GALNTL6: variants seen among roughly 807,000 people sequenced by gnomAD.
GALNTL6 encodes the protein polypeptide N-acetylgalactosaminyltransferase-like 6.
In GALNTL6, 46 loss-of-function variants were observed where a neutral mutation model predicts 73.7. That is an observed-to-expected ratio of 0.62 (90% CI 0.49 to 0.80). The LOEUF (loss-of-function observed/expected upper bound fraction) is 0.80, where lower values mean the gene tolerates loss of function less well. GALNTL6 is among the 30% of genes least tolerant of loss of function. The pLI, the probability that GALNTL6 is intolerant of heterozygous loss-of-function variation, is 0.00. For synonymous variants in GALNTL6, 259 were observed against 263.7 expected (o/e 0.98, Z 0.17); for missense variants, 604 against 755.0 (o/e 0.80, Z 2.34).
intron 5 of GALNTL6, among the ~76,000 whole-genome samples, chr4:172,480,427 GTTCTT>G (rs1733406641): frequency 6.6e-6 from 1 of 152,154 alleles, no homozygotes; most frequent in Non-Finnish European, 1.5e-5. Flanking sequence ...TTTTAAAGCT[GTTCTT>G]ATCTTATTAG....
chr4:171,940,844 TA>T (rs1299626161), intron 2 of GALNTL6, among the ~76,000 whole-genome samples: 1 of 139,906 alleles, frequency 7.1e-6, no homozygotes, highest in African/African-American at 2.5e-5. Context: ...AATAAATAAA[TA>T]AATAAATAAA....
At position 172,404,234 on chromosome 4, in the gene GALNTL6, A is replaced by G. The variant is rs547310253; in HGVS notation, c.553+55545A>G. ...GTATTTTTATTTGCCACATCAGGCA[A>G]CCATTCTCCAAAACTCCCACCAGCT... is the stretch of plus-strand genomic sequence containing the variant. On this transcript the variant is annotated intron_variant, in intron 5 of 12. Transcript: ENST00000506823. 4.6e-5 allele frequency among the ~76,000 whole-genome samples: 7 copies of G among 152,056 alleles called. No homozygotes were observed. In the South Asian group the frequency reaches 1.0e-3, roughly 22 times the overall value.
At chr4:172,069,375 ATATG>A (rs1731439922) in intron 2 of GALNTL6, among the ~76,000 whole-genome samples, 2 of 99,634 alleles carry the variant, frequency 2.0e-5, no homozygotes, top group Admixed American at 2.2e-4. Flanking sequence ...GTGTGTATAT[ATATG>A]TGTGTGTACA....
chr4:171,931,742 T>C (rs187988294), intron 2 of GALNTL6, among the ~76,000 whole-genome samples: 56 of 152,300 alleles, frequency 3.7e-4, no homozygotes, highest in African/African-American at 1.3e-3. Context: ...AATTGTGCTT[T>C]ATCCATTCCT....
At chr4:172,569,260 T>C (rs1736675500) in intron 5 of GALNTL6, among the ~76,000 whole-genome samples, 1 of 152,164 alleles carries the variant, frequency 6.6e-6, no homozygotes, top group South Asian at 2.1e-4. Context: ...GACAGCTGTC[T>C]TCTTGCAGTG....
intron 9 of GALNTL6, among the ~76,000 whole-genome samples, chr4:172,938,537 A>G (rs974119742): frequency 1.3e-5 from 2 of 152,234 alleles, no homozygotes; most frequent in African/African-American, 4.8e-5. Context: ...AATCACCAAC[A>G]AGGTTATAAA....
intron 5 of GALNTL6, among the ~76,000 whole-genome samples, chr4:172,400,042 A>G (rs903506704): frequency 1.3e-5 from 2 of 152,062 alleles, no homozygotes; most frequent in African/African-American, 4.8e-5. Context: ...AACAGCCAAA[A>G]CACCCTTACA....
chr4:172,657,629 A>G (rs191725412), intron 5 of GALNTL6, among the ~76,000 whole-genome samples: 6 of 152,338 alleles, frequency 3.9e-5, no homozygotes, highest in Admixed American at 6.5e-5. Context: ...CATTTGGTAT[A>G]TGAAGGGAAG....
chr4:172,474,691 T>C (rs1006572953), intron 5 of GALNTL6, among the ~76,000 whole-genome samples: 1 of 152,190 alleles, frequency 6.6e-6, no homozygotes, highest in Non-Finnish European at 1.5e-5. Context: ...AAAATAATTA[T>C]TGGAAAAGGA....
chr4:172,060,128 A>C (rs779955972), intron 2 of GALNTL6, among the ~76,000 whole-genome samples: 41 of 152,206 alleles, frequency 2.7e-4, no homozygotes, highest in Non-Finnish European at 4.4e-4. Context: ...CAGGAGAGAA[A>C]AAATGTGTTA....
rs1307277626 is a variant in GALNTL6 at position 172,067,649 on chromosome 4, T to C, written c.139-162007T>C. Among the ~76,000 whole-genome samples, 2 of 110,742 alleles carry C rather than the reference T, an allele frequency of 1.8e-5. 1 individual carries two copies. The highest frequency in any genetic ancestry group is 1.9e-4 in the Admixed American group (2 of 10,634). The allele number at this position is 110,742 out of a possible 152,430, so 72.7% of individuals were successfully genotyped here. A position where few individuals can be genotyped will look rare whatever the true frequency, so the allele number is the denominator to read the frequency against. The stretch of plus-strand genomic sequence containing the variant: ...TAATTTCCATGTTTCATATATCTAT[T>C]ACCTAAATATCCAACTTTAACTTTC... On this transcript the variant is annotated intron_variant, in intron 2 of 12. Coordinates refer to ENST00000506823, the MANE Select transcript of GALNTL6 (RefSeq NM_001034845.3).
intron 5 of GALNTL6, among the ~76,000 whole-genome samples, chr4:172,789,918 A>G (rs1006333834): frequency 6.6e-6 from 1 of 152,268 alleles, no homozygotes; most frequent in Admixed American, 6.5e-5. Context: ...GCCAGGAACC[A>G]TGGACAAAAA....
At chr4:171,948,298 A>T (rs1371556344) in intron 2 of GALNTL6, among the ~76,000 whole-genome samples, 1 of 152,180 alleles carries the variant, frequency 6.6e-6, no homozygotes, top group Non-Finnish European at 1.5e-5. Flanking sequence ...AAAGGACTTG[A>T]TGTTGAGATT....
intron 10 of GALNTL6, among the ~76,000 whole-genome samples, chr4:172,963,621 C>T (rs1750186945): frequency 6.6e-6 from 1 of 152,136 alleles, no homozygotes. Flanking sequence ...TCCCACCTGC[C>T]ATTCACAGCT....
chr4:172,904,383 G>T (rs1363046244), intron 8 of GALNTL6, among the ~76,000 whole-genome samples: 1 of 152,218 alleles, frequency 6.6e-6, no homozygotes, highest in African/African-American at 2.4e-5. Context: ...AATAGAGACA[G>T]GAAAAGCGTC....
At chr4:172,357,812 AT>A (rs1742217436) in intron 5 of GALNTL6, among the ~76,000 whole-genome samples, 1 of 152,072 alleles carries the variant, frequency 6.6e-6, no homozygotes, top group African/African-American at 2.4e-5. Context: ...AGAAAATTTA[AT>A]TTTATATCCT....
chr4:172,052,856 ACT>A (rs993192389), intron 2 of GALNTL6, among the ~76,000 whole-genome samples: 1 of 152,034 alleles, frequency 6.6e-6, no homozygotes, highest in Non-Finnish European at 1.5e-5. Context: ...ATTCACACAC[ACT>A]CTCTCACACA....
At chr4:172,552,383 T>C (rs189090651) in intron 5 of GALNTL6, among the ~76,000 whole-genome samples, 37 of 152,282 alleles carry the variant, frequency 2.4e-4, no homozygotes, top group African/African-American at 5.3e-4. Flanking sequence ...AAAAGAACAA[T>C]GACTTTGAAT....
chr4:172,743,482 C>T (rs868768143), intron 5 of GALNTL6, among the ~76,000 whole-genome samples: 2 of 152,038 alleles, frequency 1.3e-5, no homozygotes, highest in African/African-American at 2.4e-5. Flanking sequence ...GATATTGTGA[C>T]ATACTGCAGA....
Sources: gnomAD v4.1 joint callset for allele counts (sites outside exome capture counted in the v4.1 genomes callset) on GRCh38, gnomAD v4.1.1 for gene constraint, MANE v1.5 for transcripts, NCBI Gene and HGNC (gene_info 2026-07-23, HGNC 2026-07-21) for gene names.